The following SIPA1L1 variants were observed in gnomAD, a reference collection of about 807,000 sequenced individuals.
SIPA1L1 encodes signal induced proliferation associated 1 like 1, also known as signal-induced proliferation-associated 1-like protein 1.
SIPA1L1 carries 26 observed loss-of-function variants against 162.7 expected under a neutral mutation model. The ratio of observed to expected loss-of-function variants is 0.16; its 90% CI spans 0.12 to 0.22. The LOEUF (loss-of-function observed/expected upper bound fraction) is 0.22, where lower values mean the gene tolerates loss of function less well. SIPA1L1 is among the 10% of genes least tolerant of loss of function. The pLI is 1.00. For synonymous variants in SIPA1L1, 829 were observed against 837.4 expected, an observed-to-expected ratio of 0.99 and a Z score of 0.17; for missense variants, 1,874 against 2,241.0, an observed-to-expected ratio of 0.84 and a Z score of 3.31.
At chr14:71,556,584 A>G (rs1387286656) in intron 4 of SIPA1L1, among the ~76,000 whole-genome samples, 1 of 152,248 alleles carries the variant, frequency 6.6e-6, no homozygotes, top group Non-Finnish European at 1.5e-5. Context: ...TCAGGGAAAC[A>G]TGTTTACTGA....
chr14:71,728,882 G>A (rs1204426368), intron 19 of SIPA1L1, among the ~76,000 whole-genome samples: 1 of 152,192 alleles, frequency 6.6e-6, no homozygotes, highest in Non-Finnish European at 1.5e-5. Flanking sequence ...GCTGTTCTCA[G>A]TGAAGAGATA....
At chr14:71,544,073 ACGCACATGTATGTATATACACACG>A (rs2054836311) in intron 4 of SIPA1L1, among the ~76,000 whole-genome samples, 1 of 150,588 alleles carries the variant, frequency 6.6e-6, no homozygotes, top group East Asian at 1.9e-4. Context: ...ATACACACGC[ACGCACATGTATGTATATACACACG>A]CACATGTATG....
chr14:71,604,668 GT>G (rs953231195), intron 5 of SIPA1L1, among the ~76,000 whole-genome samples: 29 of 152,110 alleles, frequency 1.9e-4, no homozygotes, highest in Admixed American at 1.9e-3. Context: ...TGGCTGACAG[GT>G]TTATTTATTT....
At chr14:71,367,388 A>G (rs1342145160) in intron 2 of SIPA1L1, among the ~76,000 whole-genome samples, 3 of 146,800 alleles carry the variant, frequency 2.0e-5, no homozygotes, top group Non-Finnish European at 4.5e-5. Flanking sequence ...CTCACTGTAA[A>G]CTCCGCCTCC....
chr14:71,545,542 CT>C (rs746143198), intron 4 of SIPA1L1, among the ~76,000 whole-genome samples: 3 of 151,996 alleles, frequency 2.0e-5, no homozygotes, highest in Non-Finnish European at 4.4e-5. Context: ...ACCTGATATC[CT>C]GCAAACCTCC....
chr14:71,613,947 A>G (rs2038518598), intron 5 of SIPA1L1, among the ~76,000 whole-genome samples: 1 of 152,096 alleles, frequency 6.6e-6, no homozygotes, highest in South Asian at 2.1e-4. Flanking sequence ...CATGTCTGTT[A>G]TCCTAGCACT....
At chr14:71,475,347 C>G (rs1169135356) in intron 2 of SIPA1L1, among the ~76,000 whole-genome samples, 1 of 152,160 alleles carries the variant, frequency 6.6e-6, no homozygotes. Context: ...CCAGACTTTC[C>G]TTATGTTTGT....
At chr14:71,609,633 G>A (rs1224346189) in intron 5 of SIPA1L1, among the ~76,000 whole-genome samples, 3 of 151,882 alleles carry the variant, frequency 2.0e-5, no homozygotes, top group African/African-American at 7.3e-5. Context: ...TGCCCAGCTA[G>A]TTTTTGAATT....
intron 2 of SIPA1L1, among the ~76,000 whole-genome samples, chr14:71,406,229 G>A (rs1019368350): frequency 2.6e-5 from 4 of 152,152 alleles, no homozygotes; most frequent in African/African-American, 9.7e-5. Flanking sequence ...AGATGGAGAA[G>A]CCTCAAAAAT....
At chr14:71,554,063 C>A (rs188871681) in intron 4 of SIPA1L1, among the ~76,000 whole-genome samples, 1 of 152,246 alleles carries the variant, frequency 6.6e-6, no homozygotes, top group East Asian at 1.9e-4. Context: ...AGTTTTCTTT[C>A]TTAATATTTA....
At chr14:71,584,452 A>G (rs1468744652) in intron 4 of SIPA1L1, among the ~76,000 whole-genome samples, 2 of 152,232 alleles carry the variant, frequency 1.3e-5, no homozygotes, top group Non-Finnish European at 2.9e-5. Context: ...GGAAGGAGGC[A>G]TGACCCATGC....
intron 4 of SIPA1L1, among the ~76,000 whole-genome samples, chr14:71,543,482 C>G (rs772344770): frequency 6.6e-6 from 1 of 152,194 alleles, no homozygotes; most frequent in Non-Finnish European, 1.5e-5. Flanking sequence ...TCTGAAATGG[C>G]TGTGCCATGT....
intron 22 of SIPA1L1, among the ~76,000 whole-genome samples, chr14:71,736,249 T>C (rs1332944221): frequency 1.3e-5 from 2 of 151,490 alleles, no homozygotes; most frequent in African/African-American, 2.4e-5. Context: ...TACAAAAAAT[T>C]ATCTGGGCAT....
At chr14:71,346,306 C>G (rs1290374962) in intron 2 of SIPA1L1, among the ~76,000 whole-genome samples, 3 of 152,178 alleles carry the variant, frequency 2.0e-5, no homozygotes, top group East Asian at 1.9e-4. Context: ...CTGGAGACAT[C>G]TGATAAGTCT....
In SIPA1L1 at chr14:71,727,562, T is replaced by C. The variant is rs553749390; in HGVS notation, c.4615-2493T>C. Among the ~76,000 whole-genome samples the C allele has an allele frequency of 2.0e-5, 3 of 152,266 alleles. No homozygotes were observed. In the South Asian group the frequency reaches 6.2e-4, roughly 32 times the overall value. ...TCCCACTTGAACCTCTCCGTAGCAGTGGTGCTATAAGGAACCCTTAGGGCC... is the reference window on the plus strand; with the variant it reads ...TCCCACTTGAACCTCTCCGTAGCAGCGGTGCTATAAGGAACCCTTAGGGCC... On this transcript the variant is annotated intron_variant, in intron 19 of 23. Transcript: ENST00000381232.
intron 2 of SIPA1L1, among the ~76,000 whole-genome samples, chr14:71,324,610 T>C (rs895743795): frequency 5.3e-5 from 8 of 152,258 alleles, no homozygotes; most frequent in African/African-American, 1.7e-4. Flanking sequence ...AGTTAAAGTT[T>C]CTACATAGTA....
intron 5 of SIPA1L1, among the ~76,000 whole-genome samples, chr14:71,607,164 CA>C (rs1484144712): frequency 1.3e-5 from 2 of 151,526 alleles, no homozygotes; most frequent in Non-Finnish European, 2.9e-5. Flanking sequence ...CTCCGAGTTC[CA>C]GGGGGAGGTG....
chr14:71,411,862 C>T (rs2042430069), intron 2 of SIPA1L1, among the ~76,000 whole-genome samples: 1 of 152,294 alleles, frequency 6.6e-6, no homozygotes, highest in East Asian at 1.9e-4. Context: ...TTAGAATAAG[C>T]CCATTTGCCA....
chr14:71,557,812 A>G (rs2056470470), intron 4 of SIPA1L1, among the ~76,000 whole-genome samples: 1 of 152,242 alleles, frequency 6.6e-6, no homozygotes, highest in South Asian at 2.1e-4. Context: ...TTGACTGCCA[A>G]CATAGTTTAT....
Sources: allele counts gnomAD v4.1 joint callset (sites outside exome capture counted in the v4.1 genomes callset), GRCh38; gene constraint gnomAD v4.1.1; transcripts MANE v1.5; gene names NCBI Gene and HGNC (gene_info 2026-07-23, HGNC 2026-07-21).